MKLN1: variants seen among roughly 807,000 people sequenced by gnomAD.
MKLN1 encodes muskelin.
Under a neutral mutation model 99.0 loss-of-function variants are expected in MKLN1, and 18 were observed. That is an observed-to-expected ratio of 0.18 (90% CI 0.13 to 0.27). MKLN1 has a LOEUF of 0.27. Among genes scored for constraint, MKLN1 ranks in the 10% least tolerant of loss-of-function variants. The pLI is 1.00. For missense variants in MKLN1, 621 were observed against 875.9 expected (o/e 0.71, Z 3.67); for synonymous variants, 288 against 293.2 (o/e 0.98, Z 0.18).
At chr7:131,345,146 A>T (rs1312812045) in intron 1 of MKLN1, among the ~76,000 whole-genome samples, 1 of 152,136 alleles carries the variant, frequency 6.6e-6, no homozygotes, top group African/African-American at 2.4e-5. Context: ...TCGTTATGCG[A>T]TTTTTGGCAT....
chr7:131,276,751 G>A (rs1490262840), intron 3 of MKLN1, among the ~76,000 whole-genome samples: 5 of 152,138 alleles, frequency 3.3e-5, no homozygotes, highest in African/African-American at 4.8e-5. Flanking sequence ...ATTTGTTCTC[G>A]TAGCATAATC....
chr7:131,156,837 G>A lies in MKLN1; in HGVS notation c.-297+13896G>A, dbSNP rs1018165992. ...CTTCATGTATGTATTCATAGGCACT[G>A]TTTTAAGTACTTTGTTTGCATTATC... On this transcript the variant is annotated intron_variant, in intron 2 of 7. Transcript: ENST00000416992. Among the ~76,000 whole-genome samples the A allele has an allele frequency of 1.2e-4, 19 of 152,304 alleles. No individual in the cohort carries two copies. In the East Asian group the frequency reaches 3.5e-3, roughly 28 times the overall value.
At chr7:131,314,616 G>T (rs1025872706) in intron 3 of MKLN1, among the ~76,000 whole-genome samples, 3 of 151,870 alleles carry the variant, frequency 2.0e-5, no homozygotes, top group Non-Finnish European at 4.4e-5. Flanking sequence ...TAGAGACGGG[G>T]TTTCACCGTA....
intron 8 of MKLN1, among the ~76,000 whole-genome samples, chr7:131,428,418 C>G (rs1205777862): frequency 6.6e-6 from 1 of 152,132 alleles, no homozygotes; most frequent in Non-Finnish European, 1.5e-5. Flanking sequence ...ATAGGAATAT[C>G]AAAGCTGTGG....
Position 131,386,001 on chromosome 7 carries a change from T to G in MKLN1, c.169-1119T>G, listed in dbSNP as rs1319023637. Among the ~76,000 whole-genome samples the G allele has an allele frequency of 2.0e-5, 3 of 151,218 alleles. No individual in the cohort carries two copies. The East Asian group carries it at 5.8e-4, about 29-fold the overall frequency. On this transcript the variant is annotated intron_variant, in intron 2 of 17. Transcript: ENST00000352689. ...ATGTTTAAAGTTTTAGCTCTTACAT[T>G]TAGGTCTTCAGTCTTTTTTTTTTTT... is the stretch of plus-strand genomic sequence containing the variant.
chr7:131,388,039 C>T (rs939144406), intron 3 of MKLN1, among the ~76,000 whole-genome samples: 5 of 151,998 alleles, frequency 3.3e-5, no homozygotes, highest in Non-Finnish European at 4.4e-5. Flanking sequence ...TGGTAGCGGA[C>T]GACTGTAGTC....
intron 9 of MKLN1, among the ~76,000 whole-genome samples, chr7:131,437,093 C>A (rs1030119897): frequency 6.6e-6 from 1 of 151,558 alleles, no homozygotes; most frequent in African/African-American, 2.4e-5. Context: ...TTTTATTATA[C>A]TCTTAAGTTC....
chr7:131,396,370 G>C (rs2116226551), intron 4 of MKLN1, among the ~76,000 whole-genome samples: 1 of 152,264 alleles, frequency 6.6e-6, no homozygotes, highest in East Asian at 1.9e-4. Context: ...ACTGCTCCTG[G>C]CTCTCTTGAA....
intron 2 of MKLN1, among the ~76,000 whole-genome samples, chr7:131,185,393 C>A (rs1584816587): frequency 6.8e-6 from 1 of 147,732 alleles, no homozygotes; most frequent in South Asian, 2.2e-4. Flanking sequence ...GCCTGACCAA[C>A]ATGGTGAAAC....
intron 3 of MKLN1, among the ~76,000 whole-genome samples, chr7:131,241,988 G>A (rs1367757219): frequency 2.6e-5 from 4 of 152,122 alleles, no homozygotes; most frequent in Non-Finnish European, 5.9e-5. Flanking sequence ...CTGTTAATCT[G>A]TTTTATTTTC....
intron 2 of MKLN1, among the ~76,000 whole-genome samples, chr7:131,189,350 A>G (rs544061918): frequency 3.3e-4 from 50 of 152,282 alleles, no homozygotes; most frequent in Admixed American, 1.8e-3. Context: ...AATCTTCACT[A>G]TTACCAAACT....
intron 1 of MKLN1, among the ~76,000 whole-genome samples, chr7:131,361,764 T>G (rs577978326): frequency 2.6e-5 from 4 of 151,996 alleles, no homozygotes; most frequent in South Asian, 2.1e-4. Flanking sequence ...AGTAAGTATA[T>G]TCCAAATTCC....
At chr7:131,132,617 T>C (rs1795568279) in intron 1 of MKLN1, among the ~76,000 whole-genome samples, 1 of 152,002 alleles carries the variant, frequency 6.6e-6, no homozygotes, top group Non-Finnish European at 1.5e-5. Context: ...AGGAGGTAGA[T>C]TTGGGCCAAT....
chr7:131,482,678 A>G (rs1797159760), intron 17 of MKLN1, among the ~76,000 whole-genome samples: 1 of 152,192 alleles, frequency 6.6e-6, no homozygotes, highest in African/African-American at 2.4e-5. Context: ...AGCCTGGGCA[A>G]TGTAGCAAGA....
At chr7:131,263,575 CTT>C (rs71174935) in intron 3 of MKLN1, among the ~76,000 whole-genome samples, 5 of 142,582 alleles carry the variant, frequency 3.5e-5, no homozygotes, top group Non-Finnish European at 3.1e-5. Context: ...GATGATTGCA[CTT>C]TTTTTTTTTT....
At chr7:131,390,437 A>G (rs1386768834) in intron 4 of MKLN1, among the ~76,000 whole-genome samples, 2 of 152,166 alleles carry the variant, frequency 1.3e-5, no homozygotes, top group East Asian at 1.9e-4. Context: ...CAAGTATACA[A>G]GCAGTGGAAA....
At chr7:131,296,081 G>T (rs1463175895) in intron 3 of MKLN1, among the ~76,000 whole-genome samples, 1 of 152,014 alleles carries the variant, frequency 6.6e-6, no homozygotes, top group East Asian at 1.9e-4. Context: ...TTTTTTGGCG[G>T]TTACAATTTA....
At position 131,457,782 on chromosome 7, in the gene MKLN1, G is replaced by A. The variant is rs145287998; in HGVS notation, c.1526-5435G>A. On this transcript the variant is annotated intron_variant, in intron 12 of 17. Transcript: ENST00000352689. ...AATACAAAAATTAGCCAGGCTTGGCGGCGCATGTCTGTAATCCCAGCTACT... is the reference window on the plus strand; with the variant it reads ...AATACAAAAATTAGCCAGGCTTGGCAGCGCATGTCTGTAATCCCAGCTACT... Among the ~76,000 whole-genome samples, 120 of 152,212 alleles carry A rather than the reference G, an allele frequency of 7.9e-4. 2 individuals are homozygous for A. The East Asian group carries it at 0.021, about 26-fold the overall frequency.
intron 1 of MKLN1, among the ~76,000 whole-genome samples, chr7:131,342,430 C>G (rs1481422619): frequency 6.6e-6 from 1 of 152,180 alleles, no homozygotes; most frequent in African/African-American, 2.4e-5. Flanking sequence ...TAATACTTTG[C>G]TAAGCAGTTT....
Sources: allele counts gnomAD v4.1 joint callset (sites outside exome capture counted in the v4.1 genomes callset), GRCh38; gene constraint gnomAD v4.1.1; transcripts MANE v1.5; gene names NCBI Gene and HGNC (gene_info 2026-07-23, HGNC 2026-07-21).